AK5: variants seen among roughly 807,000 people sequenced by gnomAD.
AK5 encodes the protein adenylate kinase isoenzyme 5.
In AK5, 27 loss-of-function variants were observed where a neutral mutation model predicts 69.5. The ratio of observed to expected loss-of-function variants is 0.39; its 90% CI spans 0.29 to 0.54. The LOEUF (loss-of-function observed/expected upper bound fraction) is 0.54, where lower values mean the gene tolerates loss of function less well. Among genes scored for constraint, AK5 ranks in the 20% least tolerant of loss-of-function variants. The probability of loss-of-function intolerance (pLI) is 0.71; values close to 1 mark genes in which losing one functional copy is unlikely to be tolerated. For missense variants in AK5, 531 were observed against 700.4 expected (o/e 0.76, Z 2.73); for synonymous variants, 260 against 244.4 (o/e 1.06, Z -0.60).
chr1:77,496,922 T>G (rs1250948038), intron 10 of AK5, among the ~76,000 whole-genome samples: 1 of 152,036 alleles, frequency 6.6e-6, no homozygotes, highest in Non-Finnish European at 1.5e-5. Context: ...CAATCGGCAC[T>G]CTGTAAAATG....
chr1:77,310,546 AT>A (rs1292280295), intron 5 of AK5, among the ~76,000 whole-genome samples: 3 of 151,390 alleles, frequency 2.0e-5, no homozygotes, highest in Non-Finnish European at 4.4e-5. Context: ...CGCCCGGCTA[AT>A]TTTTTTTGTA....
intron 2 of AK5, among the ~76,000 whole-genome samples, chr1:77,288,994 A>G (rs1658522077): frequency 6.6e-6 from 1 of 152,172 alleles, no homozygotes; most frequent in Non-Finnish European, 1.5e-5. Context: ...ATTTGCACCA[A>G]ATATTTTTAT....
intron 10 of AK5, among the ~76,000 whole-genome samples, chr1:77,495,786 A>G (rs532977484): frequency 6.6e-6 from 1 of 152,228 alleles, no homozygotes; most frequent in South Asian, 2.1e-4. Context: ...GATCTCAAAC[A>G]GTGGCCTAGT....
intron 6 of AK5, among the ~76,000 whole-genome samples, chr1:77,379,886 G>A (rs983594108): frequency 1.3e-5 from 2 of 152,132 alleles, no homozygotes; most frequent in African/African-American, 4.8e-5. Context: ...TTTCGTAAAG[G>A]TCTTGAAAGC....
intron 6 of AK5, among the ~76,000 whole-genome samples, chr1:77,407,834 C>T (rs1649762981): frequency 6.6e-6 from 1 of 152,054 alleles, no homozygotes; most frequent in South Asian, 2.1e-4. Flanking sequence ...TCTTTATCTC[C>T]CTGCATAACC....
intron 7 of AK5, among the ~76,000 whole-genome samples, chr1:77,415,937 A>G (rs1300283090): frequency 2.0e-5 from 3 of 152,206 alleles, no homozygotes; most frequent in African/African-American, 7.2e-5. Context: ...GAGAAGTGGG[A>G]TTCTGTGAAA....
intron 6 of AK5, among the ~76,000 whole-genome samples, chr1:77,347,293 C>T (rs1057269950): frequency 1.3e-5 from 2 of 152,088 alleles, no homozygotes; most frequent in Non-Finnish European, 2.9e-5. Context: ...CAGTGAGAGC[C>T]CTGAAGCAAC....
intron 8 of AK5, among the ~76,000 whole-genome samples, chr1:77,431,789 G>A (rs539136865): frequency 1.3e-5 from 2 of 152,276 alleles, no homozygotes; most frequent in African/African-American, 2.4e-5. Flanking sequence ...TGTAAACTAT[G>A]TGTGTATTCA....
intron 6 of AK5, among the ~76,000 whole-genome samples, chr1:77,384,436 A>T (rs920415060): frequency 1.3e-5 from 2 of 152,176 alleles, no homozygotes; most frequent in African/African-American, 4.8e-5. Context: ...TATAGATATT[A>T]TTTCATATCC....
At chr1:77,549,262 A>C (rs1280219638) in intron 13 of AK5, among the ~76,000 whole-genome samples, 2 of 152,146 alleles carry the variant, frequency 1.3e-5, no homozygotes, top group Non-Finnish European at 2.9e-5. Flanking sequence ...GTCTCAGACC[A>C]AAAATGGTAA....
chr1:77,450,324 G>T (rs1353744315), intron 8 of AK5, among the ~76,000 whole-genome samples: 1 of 152,016 alleles, frequency 6.6e-6, no homozygotes, highest in Non-Finnish European at 1.5e-5. Flanking sequence ...ATATTTTCAG[G>T]TATCTCTTCA....
intron 6 of AK5, among the ~76,000 whole-genome samples, chr1:77,368,241 A>AT (rs1553140307): frequency 0.015 from 357 of 23,208 alleles, 24 homozygotes; most frequent in African/African-American, 0.031. Context: ...ATATATATAT[A>AT]TATATATATA....
intron 10 of AK5, among the ~76,000 whole-genome samples, chr1:77,517,128 G>A (rs934764477): frequency 2.0e-5 from 3 of 151,766 alleles, no homozygotes; most frequent in Non-Finnish European, 2.9e-5. Flanking sequence ...AGGTAAAGTC[G>A]GACTAGATTC....
rs1483794959 is a variant in AK5 at position 77,394,356 on chromosome 1, C to T, written c.892-16625C>T. 3.3e-5 allele frequency among the ~76,000 whole-genome samples: 5 copies of T among 152,252 alleles called. No individual in the cohort carries two copies. In the East Asian group the frequency reaches 5.8e-4, roughly 18 times the overall value. On this transcript the variant is annotated intron_variant, in intron 6 of 13. Transcript: ENST00000354567. ...CTTCATGGGCCTGGAATATTGTGGGCTCAAATTCTCTCTCTCCTATGACAC... is the reference window on the plus strand; with the variant it reads ...CTTCATGGGCCTGGAATATTGTGGGTTCAAATTCTCTCTCTCCTATGACAC...
chr1:77,498,834 T>A lies in AK5; in HGVS notation c.1147+12482T>A, dbSNP rs561226493. Among the ~76,000 whole-genome samples, 11 of 152,334 alleles carry A rather than the reference T, an allele frequency of 7.2e-5. No homozygotes were observed. In the South Asian group the frequency reaches 2.3e-3, roughly 32 times the overall value. On this transcript the variant is annotated intron_variant, in intron 10 of 13. Transcript: ENST00000354567. ...CAGAAGTTTAGAGGTTAAATTCCTG[T>A]TTGTTTCCTCAATGTTTCTTCCTCA...
At chr1:77,542,061 G>A (rs2100373869) in intron 13 of AK5, among the ~76,000 whole-genome samples, 2 of 152,256 alleles carry the variant, frequency 1.3e-5, no homozygotes, top group African/African-American at 4.8e-5. Context: ...AGGCACGGTG[G>A]CTCACACCTG....
intron 6 of AK5, among the ~76,000 whole-genome samples, chr1:77,366,589 G>A (rs1646954312): frequency 6.6e-6 from 1 of 152,148 alleles, no homozygotes; most frequent in Non-Finnish European, 1.5e-5. Flanking sequence ...AATAAGGGTT[G>A]CAAAGCTTTA....
At chr1:77,305,611 A>G (rs1659592189) in intron 5 of AK5, among the ~76,000 whole-genome samples, 2 of 152,118 alleles carry the variant, frequency 1.3e-5, no homozygotes, top group African/African-American at 2.4e-5. Context: ...TCTTTTCCCA[A>G]TGGATGTTCT....
At chr1:77,534,933 G>T (rs1185586943) in intron 12 of AK5, among the ~76,000 whole-genome samples, 1 of 152,174 alleles carries the variant, frequency 6.6e-6, no homozygotes, top group East Asian at 1.9e-4. Flanking sequence ...TCTCACTTGG[G>T]GTTCCTTATG....
Sources: gnomAD v4.1 joint callset for allele counts (sites outside exome capture counted in the v4.1 genomes callset) on GRCh38, gnomAD v4.1.1 for gene constraint, MANE v1.5 for transcripts, NCBI Gene and HGNC (gene_info 2026-07-23, HGNC 2026-07-21) for gene names.